PKP4: variants seen among roughly 807,000 people sequenced by gnomAD.
PKP4 encodes the protein plakophilin 4.
A neutral mutation model predicts 145.1 loss-of-function variants in PKP4; 90 were observed. The observed-to-expected ratio is 0.62, with a 90% CI of 0.52 to 0.74. The LOEUF (loss-of-function observed/expected upper bound fraction) is 0.74. Among genes scored for constraint, PKP4 ranks in the 30% least tolerant of loss-of-function variants. The pLI is 0.00. For synonymous variants in PKP4, 563 were observed against 577.2 expected (o/e 0.98, Z 0.35); for missense variants, 1,340 against 1,482.7 (o/e 0.90, Z 1.58).
intron 2 of PKP4, among the ~76,000 whole-genome samples, chr2:158,557,197 TATGC>T (rs2046169762): frequency 6.6e-6 from 1 of 152,202 alleles, no homozygotes; most frequent in Non-Finnish European, 1.5e-5. Flanking sequence ...ACACTTTTGA[TATGC>T]ATAGAAAGCC....
chr2:158,559,681 G>GC (rs1258952176), intron 2 of PKP4, among the ~76,000 whole-genome samples: 3 of 152,094 alleles, frequency 2.0e-5, no homozygotes, highest in African/African-American at 7.2e-5. Context: ...CATGAAAACT[G>GC]CCCAGAGTAC....
chr2:158,500,672 C>T (rs1187503483), intron 1 of PKP4, among the ~76,000 whole-genome samples: 5 of 152,212 alleles, frequency 3.3e-5, no homozygotes, highest in Non-Finnish European at 7.3e-5. Flanking sequence ...AGTCAGCCCT[C>T]TTACATTGTT....
Position 158,526,142 on chromosome 2 carries a change from G to C in PKP4, c.-5-7038G>C, listed in dbSNP as rs1202167828. 2.1e-5 allele frequency among the ~76,000 whole-genome samples: 3 copies of C among 145,940 alleles called. No homozygotes were observed. In the South Asian group the frequency reaches 6.8e-4, roughly 33 times the overall value. On this transcript the variant is annotated intron_variant, in intron 1 of 21. Coordinates refer to ENST00000389759, the MANE Select transcript of PKP4 (RefSeq NM_003628.6). The stretch of plus-strand genomic sequence containing the variant: ...CTCCCTAACTCATTTTATGAGGCCA[G>C]CATCATTCTGATACCAAAGCCGGGC...
intron 3 of PKP4, among the ~76,000 whole-genome samples, chr2:158,580,134 A>G (rs1000965734): frequency 2.0e-5 from 3 of 152,222 alleles, no homozygotes; most frequent in African/African-American, 4.8e-5. Context: ...ATGCATGGCT[A>G]TTAGATTATG....
chr2:158,516,328 G>C (rs2041938164), intron 1 of PKP4, among the ~76,000 whole-genome samples: 1 of 152,066 alleles, frequency 6.6e-6, no homozygotes, highest in Non-Finnish European at 1.5e-5. Flanking sequence ...TAAGTAACAA[G>C]ATTCTTAGGG....
intron 3 of PKP4, among the ~76,000 whole-genome samples, chr2:158,587,291 T>C (rs1235361225): frequency 1.3e-5 from 2 of 152,124 alleles, no homozygotes; most frequent in Admixed American, 6.5e-5. Flanking sequence ...TTTAATCATC[T>C]TTTAAAGAAC....
chr2:158,484,720 C>G (rs953689218), intron 1 of PKP4, among the ~76,000 whole-genome samples: 1 of 152,162 alleles, frequency 6.6e-6, no homozygotes, highest in African/African-American at 2.4e-5. Context: ...AGTGGATTAT[C>G]TTCGCTTATA....
intron 2 of PKP4, among the ~76,000 whole-genome samples, chr2:158,561,894 A>G (rs994711693): frequency 2.6e-5 from 4 of 151,740 alleles, no homozygotes; most frequent in African/African-American, 7.3e-5. Context: ...ATCCATCAAC[A>G]TTAGGTATTT....
chr2:158,477,211 G>C (rs900709944), intron 1 of PKP4, among the ~76,000 whole-genome samples: 16 of 152,126 alleles, frequency 1.1e-4, no homozygotes, highest in Non-Finnish European at 1.9e-4. Flanking sequence ...AAAGATGTTA[G>C]AGATCACCAT....
intron 2 of PKP4, among the ~76,000 whole-genome samples, chr2:158,550,119 A>C (rs1425762295): frequency 9.3e-6 from 1 of 107,338 alleles, no homozygotes. Context: ...TCTCAGAATA[A>C]AACATTACTT....
At chr2:158,504,931 T>C (rs961056208) in intron 1 of PKP4, among the ~76,000 whole-genome samples, 1 of 152,204 alleles carries the variant, frequency 6.6e-6, no homozygotes, top group African/African-American at 2.4e-5. Flanking sequence ...AGATAATGGA[T>C]AAGAGTTACG....
Position 158,577,254 on chromosome 2 carries a change from A to C in PKP4, c.133-17A>C. ...TACCTTGGCGCCTTATATGCCTTTT[A>C]TTTTCTTGAATCACAGGAGCTTCAG... On this transcript the variant is annotated splice_polypyrimidine_tract_variant and intron_variant, in intron 2 of 21. Coordinates refer to ENST00000389759, the MANE Select transcript of PKP4 (RefSeq NM_003628.6). 6.3e-7 allele frequency: 1 copy of C among 1,582,824 alleles called. No individual in the cohort carries two copies. Among genetic ancestry groups the C allele is most frequent in the Non-Finnish European group, 8.7e-7 (1 of 1,155,188 alleles).
At chr2:158,507,092 T>C (rs1235237616) in intron 1 of PKP4, among the ~76,000 whole-genome samples, 1 of 152,248 alleles carries the variant, frequency 6.6e-6, no homozygotes, top group Non-Finnish European at 1.5e-5. Flanking sequence ...TTGTTCTTTC[T>C]TTTGCTTTGA....
intron 1 of PKP4, among the ~76,000 whole-genome samples, chr2:158,477,852 A>G (rs1432392239): frequency 6.6e-6 from 1 of 152,180 alleles, no homozygotes; most frequent in Non-Finnish European, 1.5e-5. Context: ...CAAGACACTC[A>G]TCTCTCAAAA....
chr2:158,597,456 G>A (rs2049852048), intron 3 of PKP4, among the ~76,000 whole-genome samples: 2 of 152,158 alleles, frequency 1.3e-5, no homozygotes. Flanking sequence ...AGTAGAACAG[G>A]TAGGTAAACA....
chr2:158,477,182 G>T (rs923930152), intron 1 of PKP4, among the ~76,000 whole-genome samples: 7 of 152,038 alleles, frequency 4.6e-5, no homozygotes, highest in African/African-American at 1.7e-4. Context: ...TTGTAGAATC[G>T]CAAGCTTTTA....
intron 4 of PKP4, among the ~76,000 whole-genome samples, chr2:158,616,202 C>T (rs1174788777): frequency 6.6e-6 from 1 of 152,174 alleles, no homozygotes; most frequent in East Asian, 1.9e-4. Context: ...TCTGAAACAA[C>T]GTTTCCCAGT....
intron 11 of PKP4, among the ~76,000 whole-genome samples, chr2:158,653,745 T>C (rs1398706344): frequency 6.6e-6 from 1 of 152,234 alleles, no homozygotes; most frequent in Non-Finnish European, 1.5e-5. Flanking sequence ...GTGATAAATA[T>C]TTTTGAAGCA....
At chr2:158,488,367 A>G (rs1009782846) in intron 1 of PKP4, among the ~76,000 whole-genome samples, 4 of 152,164 alleles carry the variant, frequency 2.6e-5, no homozygotes, top group Non-Finnish European at 5.9e-5. Context: ...ATGACTCTTC[A>G]TCTGTTTTTA....
Sources: gnomAD v4.1 joint callset for allele counts (sites outside exome capture counted in the v4.1 genomes callset) on GRCh38, gnomAD v4.1.1 for gene constraint, MANE v1.5 for transcripts, NCBI Gene and HGNC (gene_info 2026-07-23, HGNC 2026-07-21) for gene names.